Variants in NUP160 observed in about 807,000 individuals in gnomAD.
NUP160 encodes the protein nuclear pore complex protein Nup160.
Under a neutral mutation model 196.9 loss-of-function variants are expected in NUP160, and 94 were observed. That is an observed-to-expected ratio of 0.48 (90% confidence interval 0.40 to 0.57). The LOEUF (loss-of-function observed/expected upper bound fraction) is 0.57, where lower values mean the gene tolerates loss of function less well. Ranked by LOEUF, NUP160 falls within the 20% of genes least tolerant of loss-of-function variation. NUP160 has a pLI of 0.00. For synonymous variants in NUP160, 605 were observed against 619.7 expected, an observed-to-expected ratio of 0.98 and a Z score of 0.35; for missense variants, 1,638 against 1,748.3, an observed-to-expected ratio of 0.94 and a Z score of 1.13.
intron 2 of NUP160, among the ~76,000 whole-genome samples, chr11:47,847,310 T>C (rs1035064892): frequency 2.6e-5 from 4 of 152,110 alleles, no homozygotes; most frequent in Non-Finnish European, 2.9e-5. Flanking sequence ...GCCCCACTAA[T>C]TATATTTGGT....
intron 19 of NUP160, chr11:47,806,637 T>C (rs2097677819): frequency 8.0e-6 from 2 of 250,666 alleles, no homozygotes; most frequent in Non-Finnish European, 1.5e-5. Context: ...ACCAGAACAA[T>C]ACAAAATAAA....
chr11:47,840,217 T>C (rs770028150), intron 3 of NUP160, 152 bp from the exon 4 acceptor site: 4 of 838,654 alleles, frequency 4.8e-6, no homozygotes, highest in Non-Finnish European at 7.9e-6. Flanking sequence ...CAACTTAAAA[T>C]GTATGCCTGA....
chr11:47,821,845 A>G, intron 8 of NUP160, 24 bp from the exon 9 acceptor site: 3 of 1,553,922 alleles, frequency 1.9e-6, no homozygotes, highest in African/African-American at 1.4e-5. Context: ...TGGGAAAAAA[A>G]GGGATAAAAT....
At chr11:47,810,113 C>T (rs1422625402) in intron 17 of NUP160, among the ~76,000 whole-genome samples, 6 of 151,994 alleles carry the variant, frequency 3.9e-5, no homozygotes, top group African/African-American at 1.5e-4. Flanking sequence ...TCAAAAAGAA[C>T]TTAGTAAAGG....
chr11:47,823,601 C>T (rs1267589168), intron 7 of NUP160, among the ~76,000 whole-genome samples: 2 of 152,124 alleles, frequency 1.3e-5, no homozygotes, highest in Middle Eastern at 3.4e-3. Flanking sequence ...ATGGTGCGAT[C>T]TCGGCTCACT....
chr11:47,848,331 G>T, exon 1 of NUP160: 13 of 1,613,708 alleles, frequency 8.1e-6, no homozygotes, highest in Non-Finnish European at 1.1e-5. Context: ...TCCCGCCGTC[G>T]CCGCGACGCC....
At chr11:47,829,531 A>T (rs1040803965) in intron 7 of NUP160, among the ~76,000 whole-genome samples, 1 of 152,082 alleles carries the variant, frequency 6.6e-6, no homozygotes, top group Non-Finnish European at 1.5e-5. Context: ...GGTCTCAAAT[A>T]CCTGGCCTCA....
chr11:47,848,371 G>C (rs543002784), exon 1 of NUP160: 5 of 1,609,652 alleles, frequency 3.1e-6, no homozygotes, highest in Non-Finnish European at 4.2e-6. Context: ...CCGCGCGGTC[G>C]CCGTCACTTC....
chr11:47,840,909 G>A (rs1852282866), intron 2 of NUP160, among the ~76,000 whole-genome samples: 1 of 152,100 alleles, frequency 6.6e-6, no homozygotes, highest in Non-Finnish European at 1.5e-5. Flanking sequence ...GTAGTGGAAT[G>A]TGGCCTCCAT....
At chr11:47,792,892 A>G (rs746026162) in exon 28 of NUP160, 1 of 1,614,116 alleles carries the variant, frequency 6.2e-7, no homozygotes, top group Non-Finnish European at 8.5e-7. Context: ...AAGTCCCCGG[A>G]GAGTTCGAAC....
At chr11:47,834,621 CTGGGGGG>C (rs1436489932) in intron 7 of NUP160, among the ~76,000 whole-genome samples, 8 of 151,956 alleles carry the variant, frequency 5.3e-5, no homozygotes, top group African/African-American at 1.9e-4. Flanking sequence ...GGTCGGGGAC[CTGGGGGG>C]TTGGGGTTCG....
intron 17 of NUP160, 124 bp downstream of exon 17, chr11:47,811,940 G>C (rs2097681382): frequency 1.3e-6 from 1 of 753,830 alleles, no homozygotes; most frequent in South Asian, 1.9e-5. Context: ...CCAAGCTTGG[G>C]AGAATAAAGC....
At chr11:47,846,192 G>T (rs1478040687) in intron 2 of NUP160, among the ~76,000 whole-genome samples, 3 of 151,146 alleles carry the variant, frequency 2.0e-5, no homozygotes, top group Non-Finnish European at 4.4e-5. Flanking sequence ...TAGAAATGGG[G>T]TCTTGAACTC....
rs774797884 is a variant in NUP160, at chr11:47,813,267, G to A, written c.1786+49C>T. ...TTGTATCCATGTGAAACGAAGCATA[G>A]GGTTTATATAGGAAGGGGATTAAAT... On this transcript the variant is annotated intron_variant, in intron 14 of 35. Transcript: ENST00000378460. The A allele has an allele frequency of 5.0e-5, 67 of 1,340,578 alleles. No homozygotes were observed. In the East Asian group the frequency reaches 1.4e-3, roughly 29 times the overall value. The allele number at this position is 1,340,578 out of a possible 1,614,324, so 83.0% of individuals were successfully genotyped here. A position where few individuals can be genotyped will look rare whatever the true frequency, so the allele number is the denominator to read the frequency against.
rs1005523403 is a variant in NUP160, at chr11:47,821,839, A to G, written c.1180-18T>C. 5.1e-6 allele frequency: 8 copies of G among 1,553,986 alleles called. No individual in the cohort carries two copies. Among genetic ancestry groups the G allele is most frequent in the Admixed American group, 5.0e-5 (3 of 59,694 alleles). ...AGTGTCTCCTAGGAGGAAATGTGGG[A>G]AAAAAAGGGATAAAATAAGAAAGAA... On this transcript the variant is annotated intron_variant, in intron 8 of 35. Coordinates refer to ENST00000378460, the Ensembl canonical transcript of NUP160.
chr11:47,840,122 A>C, intron 3 of NUP160, 57 bp from the exon 4 acceptor site: 1 of 1,347,450 alleles, frequency 7.4e-7, no homozygotes, highest in South Asian at 1.2e-5. Flanking sequence ...AATTTTGCTC[A>C]GTTCCTCTCT....
intron 2 of NUP160, among the ~76,000 whole-genome samples, chr11:47,847,339 T>C (rs1366986601): frequency 6.6e-6 from 1 of 152,162 alleles, no homozygotes; most frequent in Non-Finnish European, 1.5e-5. Context: ...TAGCCTCTCA[T>C]AACCCGTATA....
chr11:47,813,887 C>T (rs1246144310), intron 13 of NUP160, among the ~76,000 whole-genome samples: 4 of 151,534 alleles, frequency 2.6e-5, no homozygotes, highest in Non-Finnish European at 4.4e-5. Context: ...CTGGCTAACA[C>T]GGTGAAACCC....
In NUP160 at chr11:47,783,164, A is replaced by G. The variant is rs747868064; in HGVS notation, c.4025T>C (p.Leu1342Ser). The G allele has an allele frequency of 3.1e-6, 5 of 1,613,854 alleles. No homozygotes were observed. The South Asian group carries it at 4.4e-5, about 14-fold the overall frequency. ...AGCTTCTTCTAAAAGGTCATAGTTT[A>G]AGTATAAACGAAGCAATTCAGCAGC... is the stretch of plus-strand genomic sequence containing the variant. Residue 1342 changes from leucine to serine, a missense_variant, in exon 34 of 36, where the codon TTA becomes TCA. Leu to Ser is a moderately radical substitution (Grantham distance 145, BLOSUM62 -2). Transcript: ENST00000378460.
Sources: gnomAD v4.1 joint callset for allele counts (sites outside exome capture counted in the v4.1 genomes callset) on GRCh38, gnomAD v4.1.1 for gene constraint, MANE v1.5 for transcripts, NCBI Gene and HGNC (gene_info 2026-07-23, HGNC 2026-07-21) for gene names.